The following NCOA7 variants were observed in gnomAD, a reference collection of about 807,000 sequenced individuals.
NCOA7 encodes nuclear receptor coactivator 7, also known as 140 kDa estrogen receptor-associated protein.
A neutral mutation model predicts 104.3 loss-of-function variants in NCOA7; 45 were observed. The observed-to-expected ratio is 0.43, with a 90% CI of 0.34 to 0.55. The LOEUF (loss-of-function observed/expected upper bound fraction) is 0.55, where lower values mean the gene tolerates loss of function less well. Ranked by LOEUF, NCOA7 falls within the 20% of genes least tolerant of loss-of-function variation. The pLI is 0.02. For synonymous variants in NCOA7, 398 were observed against 402.3 expected (o/e 0.99, Z 0.13); for missense variants, 1,041 against 1,119.7 (o/e 0.93, Z 1.00).
intron 2 of NCOA7, among the ~76,000 whole-genome samples, chr6:125,819,245 G>T (rs1475155099): frequency 6.6e-6 from 1 of 151,904 alleles, no homozygotes; most frequent in South Asian, 2.1e-4. Flanking sequence ...TTGACGTTTC[G>T]CTCTTTAACA....
chr6:125,877,264 G>A (rs1035832631), intron 4 of NCOA7, among the ~76,000 whole-genome samples: 14 of 152,144 alleles, frequency 9.2e-5, no homozygotes, highest in African/African-American at 2.7e-4. Context: ...AGGCAGCGAT[G>A]GGTTTAATTC....
intron 10 of NCOA7, chr6:125,913,797 C>G (rs1786802863): frequency 3.1e-6 from 1 of 326,168 alleles, no homozygotes; most frequent in Non-Finnish European, 4.4e-6. Context: ...CATAAAGACT[C>G]CCACAAATTG....
intron 2 of NCOA7, among the ~76,000 whole-genome samples, chr6:125,848,199 G>GT (rs1274147668): frequency 6.6e-6 from 1 of 152,192 alleles, no homozygotes; most frequent in African/African-American, 2.4e-5. Flanking sequence ...TACACTGTTG[G>GT]TGGGAGTGTA....
intron 10 of NCOA7, among the ~76,000 whole-genome samples, chr6:125,900,455 G>A (rs77705205): frequency 0.054 from 8,279 of 152,230 alleles, 674 homozygotes; most frequent in African/African-American, 0.18. Context: ...TCAACAGAGC[G>A]TTCCTATTAT....
Position 125,921,016 on chromosome 6 carries a change from T to G in NCOA7, c.2318T>G (p.Leu773Arg). 1 of 1,613,922 alleles carries G rather than the reference T, an allele frequency of 6.2e-7. No individual in the cohort carries two copies. Among genetic ancestry groups the G allele is most frequent in the South Asian group, 1.1e-5 (1 of 91,088 alleles). The change falls in exon 12 of 16, where the codon CTG becomes CGG. Residue 773 changes from leucine to arginine, a missense_variant. Physicochemically the swap from Leu to Arg is moderately radical, Grantham distance 102 (BLOSUM62 -2). Around this residue, in one of 2 missense-constraint regions of NCOA7, gnomAD observed 914 missense variants for 942.7 expected, o/e 0.97. Coordinates refer to ENST00000392477, the MANE Select transcript of NCOA7 (RefSeq NM_181782.5). Reference sequence around the variant, plus strand: ...TATGAAGACGAGGACGAAGAGGTGCTGCCTGTCCTACGGCCCCACAGCGCG... The same window carrying G: ...TATGAAGACGAGGACGAAGAGGTGCGGCCTGTCCTACGGCCCCACAGCGCG... Reference protein sequence around the residue: ...SYYEDEDEEVLPVLRPHSALL... With the variant: ...SYYEDEDEEVRPVLRPHSALL...
At chr6:125,870,383 G>C (rs565677532) in intron 3 of NCOA7, among the ~76,000 whole-genome samples, 54 of 152,258 alleles carry the variant, frequency 3.5e-4, no homozygotes, top group South Asian at 6.2e-4. Flanking sequence ...CTGGACCTCT[G>C]TTCAGCATTT....
rs767658301 is a variant in NCOA7, at chr6:125,928,814, C to T, written c.*43C>T. 8.8e-6 allele frequency: 14 copies of T among 1,589,102 alleles called. No individual in the cohort carries two copies. The highest frequency in any genetic ancestry group is 3.5e-5 in the South Asian group (3 of 86,360). ...AATATAACATTAAAAAGACTGGGTTCGATCAGCCCTCCTAAAGCTGGCTGG... is the reference window on the plus strand; with the variant it reads ...AATATAACATTAAAAAGACTGGGTTTGATCAGCCCTCCTAAAGCTGGCTGG... On this transcript the variant is annotated 3_prime_UTR_variant, in exon 16 of 16. Transcript: ENST00000392477.
intron 3 of NCOA7, among the ~76,000 whole-genome samples, chr6:125,870,574 T>C (rs1782805710): frequency 1.3e-5 from 2 of 152,236 alleles, no homozygotes. Context: ...ATTCATTCTC[T>C]TGATGTCATA....
intron 1 of NCOA7, among the ~76,000 whole-genome samples, chr6:125,805,305 G>C (rs1413700544): frequency 1.3e-5 from 2 of 151,962 alleles, no homozygotes; most frequent in Non-Finnish European, 2.9e-5. Context: ...ATGTTGATCA[G>C]GGTGGCCTCG....
At chr6:125,824,681 G>T (rs775158386) in intron 2 of NCOA7, among the ~76,000 whole-genome samples, 23 of 152,162 alleles carry the variant, frequency 1.5e-4, no homozygotes, top group Non-Finnish European at 3.1e-4. Flanking sequence ...TTCAGTGAAA[G>T]GTCCAATACT....
At chr6:125,840,684 A>C (rs1166643354) in intron 2 of NCOA7, among the ~76,000 whole-genome samples, 1 of 148,104 alleles carries the variant, frequency 6.8e-6, no homozygotes, top group Non-Finnish European at 1.5e-5. Context: ...TGGCTAAATA[A>C]AAAAAAAAGA....
intron 11 of NCOA7, among the ~76,000 whole-genome samples, chr6:125,917,183 G>A (rs1320416142): frequency 6.8e-6 from 1 of 146,142 alleles, no homozygotes; most frequent in Non-Finnish European, 1.5e-5. Context: ...AGTAGGTCTG[G>A]AGGGAGGAAT....
intron 1 of NCOA7, among the ~76,000 whole-genome samples, chr6:125,805,364 G>A (rs1051803480): frequency 1.3e-5 from 2 of 152,004 alleles, no homozygotes; most frequent in South Asian, 4.2e-4. Context: ...CAAAGTGCTG[G>A]GATTACAGAC....
chr6:125,810,915 A>G (rs1776939074), intron 1 of NCOA7, among the ~76,000 whole-genome samples: 1 of 152,238 alleles, frequency 6.6e-6, no homozygotes, highest in Non-Finnish European at 1.5e-5. Flanking sequence ...ACCAGATGTC[A>G]ACTATTGGAT....
chr6:125,890,549 G>A (rs1284443199), intron 9 of NCOA7, 93 bp from the exon 10 acceptor site: 14 of 1,242,164 alleles, frequency 1.1e-5, no homozygotes, highest in African/African-American at 1.5e-5. Flanking sequence ...TTTTGACTAA[G>A]AGAGGATTGT....
chr6:125,915,185 T>C, intron 10 of NCOA7, 148 bp from the exon 11 acceptor site: 1 of 891,132 alleles, frequency 1.1e-6, no homozygotes, highest in Middle Eastern at 2.7e-4. Flanking sequence ...AGTATGGAAG[T>C]AGAGATAACC....
intron 3 of NCOA7, among the ~76,000 whole-genome samples, chr6:125,873,485 T>C (rs939461889): frequency 6.6e-6 from 1 of 152,212 alleles, no homozygotes; most frequent in African/African-American, 2.4e-5. Context: ...TTGGTGTATA[T>C]TTCTGGCTTG....
At chr6:125,855,436 T>C (rs1020678999) in intron 3 of NCOA7, 196 bp downstream of exon 3, 5 of 511,058 alleles carry the variant, frequency 9.8e-6, no homozygotes, top group African/African-American at 9.6e-5. Context: ...TAAATTTGTG[T>C]TCCCAGCATT....
At chr6:125,835,614 A>G (rs780023041) in intron 2 of NCOA7, among the ~76,000 whole-genome samples, 11 of 152,230 alleles carry the variant, frequency 7.2e-5, no homozygotes, top group Non-Finnish European at 1.3e-4. Flanking sequence ...AATGCTTGCT[A>G]TTAGGTCTCA....
Sources: gnomAD v4.1 joint callset for allele counts (sites outside exome capture counted in the v4.1 genomes callset) on GRCh38, gnomAD v4.1.1 for gene constraint, gnomAD v4.1.1 regional missense constraint, MANE v1.5 for transcripts, NCBI Gene and HGNC (gene_info 2026-07-23, HGNC 2026-07-21) for gene names.